The following ATP10B variants were observed in gnomAD, a reference collection of about 807,000 sequenced individuals.
The protein encoded by ATP10B is phospholipid-transporting ATPase VB.
ATP10B carries 122 observed loss-of-function variants against 141.2 expected under a neutral mutation model. The observed-to-expected ratio is 0.86, with a 90% confidence interval of 0.75 to 1.00. The LOEUF (loss-of-function observed/expected upper bound fraction) is 1.00, where lower values mean the gene tolerates loss of function less well. Among genes scored for constraint, ATP10B ranks in the 50% least tolerant of loss-of-function variants. ATP10B has a pLI of 0.00. For synonymous variants in ATP10B, 685 were observed against 692.0 expected (o/e 0.99, Z 0.16); for missense variants, 1,876 against 1,825.3 (o/e 1.03, Z -0.51).
intron 15 of ATP10B, among the ~76,000 whole-genome samples, chr5:160,619,715 T>C (rs1487591447): frequency 6.6e-6 from 1 of 152,278 alleles, no homozygotes; most frequent in Middle Eastern, 3.4e-3. Flanking sequence ...TGTTCCAAAA[T>C]TGGACACTGA....
chr5:160,860,781 T>C, the ATP10B span, among the ~76,000 whole-genome samples: 1 of 151,976 alleles, frequency 6.6e-6, no homozygotes, highest in Non-Finnish European at 1.5e-5. Context: ...TTTAGATTCA[T>C]TGGCAGCATT....
rs554909882 is a variant in ATP10B at position 160,613,045 on chromosome 5, T to A, written c.2654-120A>T. ...GATAGCATCACTGTGCTAGGCTGTG[T>A]ACCCAGGATATAACAGTGAACTAGA... On this transcript the variant is annotated intron_variant, in intron 17 of 25. Transcript: ENST00000327245. 3.2e-6 allele frequency: 3 copies of A among 945,836 alleles called. No homozygotes were observed. The East Asian group carries it at 7.9e-5, about 25-fold the overall frequency. 58.6% of individuals were successfully genotyped at this position (945,836 alleles called of 1,614,324 possible).
chr5:160,899,118 A>G, the ATP10B span, among the ~76,000 whole-genome samples: 1 of 152,190 alleles, frequency 6.6e-6, no homozygotes, highest in Non-Finnish European at 1.5e-5. Flanking sequence ...CATTCTGCAC[A>G]TATATCCCAG....
intron 2 of ATP10B, among the ~76,000 whole-genome samples, chr5:160,720,180 G>A (rs941288450): frequency 9.2e-5 from 14 of 152,146 alleles, no homozygotes; most frequent in African/African-American, 3.1e-4. Flanking sequence ...TTGGTGTGAT[G>A]TTATGAATTG....
chr5:160,620,239 C>T (rs1758248987), intron 15 of ATP10B, 108 bp downstream of exon 15: 3 of 1,408,364 alleles, frequency 2.1e-6, no homozygotes, highest in Non-Finnish European at 2.9e-6. Context: ...CCAGTTGGGA[C>T]CTGCCATACC....
At chr5:160,869,757 G>A in the ATP10B span, among the ~76,000 whole-genome samples, 2 of 152,132 alleles carry the variant, frequency 1.3e-5, no homozygotes, top group Non-Finnish European at 2.9e-5. Context: ...GGGAACCTGG[G>A]CCAGGATAGG....
chr5:160,856,120 G>A (rs575918926), upstream of ATP10B, among the ~76,000 whole-genome samples: 37 of 151,660 alleles, frequency 2.4e-4, no homozygotes, highest in African/African-American at 8.5e-4. Context: ...AAACTTTTTG[G>A]ATTTTGATAG....
chr5:160,783,153 C>CTT (rs10679096), intron 2 of ATP10B, among the ~76,000 whole-genome samples: 20,472 of 151,610 alleles, frequency 0.14, 1,562 homozygotes, highest in Middle Eastern at 0.19. Context: ...TATTTGTAGT[C>CTT]TTATCCCTTG....
intron 13 of ATP10B, among the ~76,000 whole-genome samples, chr5:160,627,629 AAC>A (rs1758677988): frequency 6.6e-6 from 1 of 152,200 alleles, no homozygotes; most frequent in Non-Finnish European, 1.5e-5. Flanking sequence ...GAGAAACTCA[AAC>A]ACATATATAA....
intron 24 of ATP10B, among the ~76,000 whole-genome samples, chr5:160,576,525 A>G (rs1755199137): frequency 6.6e-6 from 1 of 152,182 alleles, no homozygotes; most frequent in Admixed American, 6.5e-5. Context: ...GTGCAGAGCA[A>G]TTATGAAAAC....
chr5:160,568,591 A>T (rs1754695629), intron 25 of ATP10B, among the ~76,000 whole-genome samples: 1 of 152,204 alleles, frequency 6.6e-6, no homozygotes, highest in Non-Finnish European at 1.5e-5. Flanking sequence ...TGGGCTGCGG[A>T]ATAGAACACT....
chr5:160,921,270 CTT>C, the ATP10B span, among the ~76,000 whole-genome samples: 120 of 147,100 alleles, frequency 8.2e-4, no homozygotes, highest in African/African-American at 2.9e-3. Context: ...CTATTCAGCA[CTT>C]TGTTTTTTTT....
chr5:160,730,239 C>T (rs1030311739), intron 2 of ATP10B, among the ~76,000 whole-genome samples: 1 of 151,992 alleles, frequency 6.6e-6, no homozygotes, highest in African/African-American at 2.4e-5. Context: ...TCTGCAGGGC[C>T]CCACAGCCAT....
the ATP10B span, among the ~76,000 whole-genome samples, chr5:160,912,612 G>A: frequency 1.6e-5 from 2 of 127,932 alleles, no homozygotes; most frequent in East Asian, 4.4e-4. Flanking sequence ...AAAGAAAAGA[G>A]AAAAGAAAAG....
chr5:160,692,501 C>T (rs1169970504), intron 3 of ATP10B: 1 of 152,146 alleles, frequency 6.6e-6, no homozygotes, highest in African/African-American at 2.4e-5. Context: ...AGATCCTGAC[C>T]ATTTGCTTCC....
At chr5:160,731,919 T>G (rs775003865) in intron 2 of ATP10B, among the ~76,000 whole-genome samples, 4 of 152,136 alleles carry the variant, frequency 2.6e-5, no homozygotes, top group African/African-American at 4.8e-5. Flanking sequence ...CCTACAGTCT[T>G]TATAGGAAAA....
At chr5:160,925,304 C>A in the ATP10B span, among the ~76,000 whole-genome samples, 1 of 152,202 alleles carries the variant, frequency 6.6e-6, no homozygotes, top group African/African-American at 2.4e-5. Flanking sequence ...GTAGCAGCAG[C>A]AGCAAACTTT....
intron 17 of ATP10B, among the ~76,000 whole-genome samples, chr5:160,615,056 C>T (rs188255736): frequency 1.3e-3 from 198 of 152,310 alleles, no homozygotes; most frequent in Non-Finnish European, 2.5e-3. Context: ...CTTCTCTTCT[C>T]TCTCTCAGCA....
At chr5:160,860,112 A>G in the ATP10B span, among the ~76,000 whole-genome samples, 45 of 152,026 alleles carry the variant, frequency 3.0e-4, no homozygotes, top group Non-Finnish European at 5.6e-4. Context: ...ATGTTTTCCA[A>G]CGATATTCAA....
Sources: gnomAD v4.1 joint callset for allele counts (sites outside exome capture counted in the v4.1 genomes callset) on GRCh38, gnomAD v4.1.1 for gene constraint, MANE v1.5 for transcripts, NCBI Gene and HGNC (gene_info 2026-07-23, HGNC 2026-07-21) for gene names.